Variants in PCDHA11 observed in about 807,000 individuals in gnomAD.
PCDHA11 encodes the protein protocadherin alpha-11.
PCDHA11 carries 61 observed loss-of-function variants against 70.3 expected under a neutral mutation model. That is an observed-to-expected ratio of 0.87 (90% confidence interval 0.71 to 1.07). The LOEUF is 1.07. Ranked by LOEUF, PCDHA11 falls within the 50% of genes least tolerant of loss-of-function variation. PCDHA11 has a pLI of 0.00. For missense variants in PCDHA11, 1,324 were observed against 1,237.5 expected, an observed-to-expected ratio of 1.07 and a Z score of -1.05; for synonymous variants, 633 against 555.1, an observed-to-expected ratio of 1.14 and a Z score of -1.97.
intron 1 of PCDHA11, among the ~76,000 whole-genome samples, chr5:140,873,375 T>G (rs251375): frequency 0.44 from 67,180 of 152,024 alleles, 15,319 homozygotes; most frequent in South Asian, 0.58. Flanking sequence ...GAAGATCTTT[T>G]AAAGACTTGG....
chr5:140,938,148 A>G (rs563866654), intron 1 of PCDHA11, among the ~76,000 whole-genome samples: 1 of 152,284 alleles, frequency 6.6e-6, no homozygotes, highest in African/African-American at 2.4e-5. Context: ...GTCTCACTAC[A>G]TTGCCCAGGC....
chr5:140,877,335 G>T, intron 1 of PCDHA11: 2 of 1,613,978 alleles, frequency 1.2e-6, no homozygotes, highest in Non-Finnish European at 1.7e-6. Context: ...CGCACATCCC[G>T]TTCCACGTGG....
chr5:140,915,626 G>GTCCC (rs1554196996), intron 1 of PCDHA11, among the ~76,000 whole-genome samples: 2 of 146,436 alleles, frequency 1.4e-5, no homozygotes, highest in Non-Finnish European at 3.0e-5. Flanking sequence ...GTCTCTTTCT[G>GTCCC]TCTCTCTCTC....
At chr5:140,969,210 C>G in intron 1 of PCDHA11, 1 of 1,614,184 alleles carries the variant, frequency 6.2e-7, no homozygotes, top group Non-Finnish European at 8.5e-7. Context: ...GGGGCCCAGA[C>G]AGGACCAGGG....
intron 1 of PCDHA11, among the ~76,000 whole-genome samples, chr5:140,909,996 T>C (rs549464312): frequency 1.3e-5 from 2 of 152,192 alleles, no homozygotes; most frequent in African/African-American, 4.8e-5. Context: ...ACAGCATAAA[T>C]TGTTGTCAGT....
At chr5:140,895,784 T>C (rs2065158516) in intron 1 of PCDHA11, among the ~76,000 whole-genome samples, 1 of 152,166 alleles carries the variant, frequency 6.6e-6, no homozygotes, top group Non-Finnish European at 1.5e-5. Flanking sequence ...TAGTATTCAA[T>C]GACGTATATG....
Position 140,870,198 on chromosome 5 carries a change from C to A in PCDHA11, c.1095C>A (p.Ser365Arg). The A allele has an allele frequency of 1.2e-6, 2 of 1,614,172 alleles. No individual in the cohort carries two copies. Among genetic ancestry groups the A allele is most frequent in the Non-Finnish European group, 1.7e-6 (2 of 1,180,038 alleles). Reference protein sequence around the residue: ...SLPVREDAQPSTVIALISVSD... With the variant: ...SLPVREDAQPRTVIALISVSD... ...CAGTACGAGAGGACGCTCAGCCCAG[C>A]ACGGTCATTGCCCTGATCAGCGTGT... is the stretch of plus-strand genomic sequence containing the variant. Residue 365 changes from serine to arginine, a missense_variant, in exon 1 of 4, where the codon AGC becomes AGA. Physicochemically the swap from Ser to Arg is moderately radical, Grantham distance 110 (BLOSUM62 -1). Coordinates refer to ENST00000398640, the MANE Select transcript of PCDHA11 (RefSeq NM_018902.5).
rs981101486 is a variant in PCDHA11 at position 140,871,052 on chromosome 5, T to C, written c.1949T>C (p.Val650Ala). ...CCGCGCCACCGACTTCTAGTACTGG[T>C]GAAGGATCACGGTGAGCCGGCGCTG... is the stretch of plus-strand genomic sequence containing the variant. Reference protein sequence around the residue: ...DSPRHRLLVLVKDHGEPALTA... With the variant: ...DSPRHRLLVLAKDHGEPALTA... The change falls in exon 1 of 4, where the codon GTG (valine) becomes GCG (alanine). Residue 650 changes from valine (V) to alanine (A), a missense_variant. Transcript: ENST00000398640. 6.2e-7 allele frequency: 1 copy of C among 1,613,156 alleles called. No homozygotes were observed. Among genetic ancestry groups the C allele is most frequent in the Non-Finnish European group, 8.5e-7 (1 of 1,179,820 alleles).
At position 140,871,257 on chromosome 5, in the gene PCDHA11, G is replaced by T. The variant is rs374337862; in HGVS notation, c.2154G>T (p.Thr718=). 6.8e-6 allele frequency: 11 copies of T among 1,613,808 alleles called. No individual in the cohort carries two copies. The highest frequency in any genetic ancestry group is 1.7e-5 in the Admixed American group (1 of 60,000). Reference sequence around the variant, plus strand: ...TGGTACTCACGCTGCTGCTGTATACGGCGCTGTGGTGGTCGGCAACGCCCA... The same window carrying T: ...TGGTACTCACGCTGCTGCTGTATACTGCGCTGTGGTGGTCGGCAACGCCCA... ...SLLVLTLLLY[T]ALWWSATPTE... is the part of the protein sequence containing the mutation. Residue 718 remains threonine, a synonymous_variant, in exon 1 of 4, where the codon ACG becomes ACT. Transcript: ENST00000398640.
chr5:140,965,830 A>G (rs2095939833), intron 1 of PCDHA11, among the ~76,000 whole-genome samples: 1 of 152,208 alleles, frequency 6.6e-6, no homozygotes, highest in African/African-American at 2.4e-5. Flanking sequence ...ACATTTAAAT[A>G]TTGGTTATTT....
intron 2 of PCDHA11, among the ~76,000 whole-genome samples, chr5:140,981,892 G>A (rs1245605619): frequency 2.0e-5 from 3 of 152,122 alleles, no homozygotes; most frequent in Non-Finnish European, 2.9e-5. Flanking sequence ...TCTTCTGAGC[G>A]GGGATCTGTG....
intron 1 of PCDHA11, among the ~76,000 whole-genome samples, chr5:140,892,881 A>G (rs1562868071): frequency 6.6e-6 from 1 of 152,120 alleles, no homozygotes. Context: ...TTTCGTATCC[A>G]TTAACCAACC....
At chr5:140,926,268 T>A (rs1166651492) in intron 1 of PCDHA11, 1 of 152,208 alleles carries the variant, frequency 6.6e-6, no homozygotes, top group Non-Finnish European at 1.5e-5. Context: ...TCTCGCCGCC[T>A]CCGCTCGGCA....
chr5:140,968,564 G>C (rs565573880), intron 1 of PCDHA11: 1 of 1,614,168 alleles, frequency 6.2e-7, no homozygotes, highest in South Asian at 1.1e-5. Context: ...AACTGCCCCT[G>C]CTGGCTACCT....
At chr5:140,924,906 T>TAAAAA (rs1284498744) in intron 1 of PCDHA11, among the ~76,000 whole-genome samples, 1 of 55,822 alleles carries the variant, frequency 1.8e-5, no homozygotes, top group Non-Finnish European at 3.4e-5. Context: ...AAAAAAAAAA[T>TAAAAA]AAAATAAAAT....
intron 1 of PCDHA11, chr5:140,877,241 T>G (rs1554169505): frequency 1.2e-6 from 2 of 1,613,670 alleles, no homozygotes; most frequent in Non-Finnish European, 1.7e-6. Flanking sequence ...GCGGGCCACG[T>G]GGTGGCGAAA....
rs2056928091 is a variant in PCDHA11 at position 140,877,191 on chromosome 5, A to C, written c.2391+5697A>C. 3 of 1,613,798 alleles carry C rather than the reference A, an allele frequency of 1.9e-6. No individual in the cohort carries two copies. The South Asian group carries it at 3.3e-5, about 18-fold the overall frequency. Reference sequence around the variant, plus strand: ...TGCTGGCGACTCCGGCTGGCAGCGCAGGAGGCGCAGTTAGCGAGTTGGTAC... The same window carrying C: ...TGCTGGCGACTCCGGCTGGCAGCGCCGGAGGCGCAGTTAGCGAGTTGGTAC... On this transcript the variant is annotated intron_variant, in intron 1 of 3. Transcript: ENST00000398640.
At chr5:140,956,565 A>G (rs190736286) in intron 1 of PCDHA11, among the ~76,000 whole-genome samples, 2 of 152,284 alleles carry the variant, frequency 1.3e-5, no homozygotes, top group Non-Finnish European at 2.9e-5. Flanking sequence ...TATCTTATTG[A>G]GGATTTTTGC....
At chr5:141,004,952 C>T (rs543938360) in intron 3 of PCDHA11, among the ~76,000 whole-genome samples, 52 of 152,346 alleles carry the variant, frequency 3.4e-4, no homozygotes, top group African/African-American at 1.2e-3. Context: ...TACCCTCTCT[C>T]GTCACTGCCT....
Sources: gnomAD v4.1 joint callset for allele counts (sites outside exome capture counted in the v4.1 genomes callset) on GRCh38, gnomAD v4.1.1 for gene constraint, MANE v1.5 for transcripts, NCBI Gene and HGNC (gene_info 2026-07-23, HGNC 2026-07-21) for gene names.